RAD51B: variants seen among roughly 807,000 people sequenced by gnomAD.
RAD51B encodes RAD51 paralog B, also known as DNA repair protein RAD51 homolog 2.
A neutral mutation model predicts 42.2 loss-of-function variants in RAD51B; 38 were observed. The ratio of observed to expected loss-of-function variants is 0.90; its 90% CI spans 0.70 to 1.18. The LOEUF is 1.18. Ranked by LOEUF, RAD51B falls within the 50% of genes most tolerant of loss-of-function variation. The probability of loss-of-function intolerance (pLI) is 0.00; values close to 1 mark genes in which losing one functional copy is unlikely to be tolerated. For synonymous variants in RAD51B, 154 were observed against 145.2 expected, an observed-to-expected ratio of 1.06 and a Z score of -0.43; for missense variants, 373 against 400.7, an observed-to-expected ratio of 0.93 and a Z score of 0.59.
At chr14:68,280,894 C>CA (rs894389207) in intron 7 of RAD51B, among the ~76,000 whole-genome samples, 1 of 151,830 alleles carries the variant, frequency 6.6e-6, no homozygotes, top group Admixed American at 6.6e-5. Flanking sequence ...TCCGTCTCTA[C>CA]AAAAAATAAA....
chr14:68,429,071 A>C (rs1271028945), intron 9 of RAD51B, among the ~76,000 whole-genome samples: 1 of 152,086 alleles, frequency 6.6e-6, no homozygotes, highest in Non-Finnish European at 1.5e-5. Flanking sequence ...ATGTCCCTAC[A>C]AAGGACATGA....
intron 8 of RAD51B, among the ~76,000 whole-genome samples, chr14:68,356,899 C>T (rs1394787152): frequency 2.1e-5 from 3 of 144,808 alleles, no homozygotes; most frequent in Non-Finnish European, 3.0e-5. Context: ...AGGAGAATGG[C>T]ATGAACCCGG....
At chr14:68,158,709 G>A (rs1196460850) in intron 7 of RAD51B, among the ~76,000 whole-genome samples, 2 of 152,142 alleles carry the variant, frequency 1.3e-5, no homozygotes, top group Non-Finnish European at 2.9e-5. Context: ...GAAAGAACAC[G>A]GGAAGTCAGA....
chr14:68,552,535 A>G (rs1419652273), intron 10 of RAD51B, among the ~76,000 whole-genome samples: 1 of 152,234 alleles, frequency 6.6e-6, no homozygotes, highest in Admixed American at 6.5e-5. Context: ...TCCATTAAAT[A>G]GATTTAAAAG....
intron 10 of RAD51B, among the ~76,000 whole-genome samples, chr14:68,575,942 G>A (rs1889942981): frequency 6.6e-6 from 1 of 152,200 alleles, no homozygotes; most frequent in South Asian, 2.1e-4. Flanking sequence ...GACGGGCAGG[G>A]TTCAGGGCAG....
At chr14:68,099,979 T>A (rs899395313) in intron 7 of RAD51B, among the ~76,000 whole-genome samples, 3 of 152,098 alleles carry the variant, frequency 2.0e-5, no homozygotes, top group Non-Finnish European at 4.4e-5. Context: ...AATAAACACA[T>A]TTTATGAGAG....
chr14:68,421,731 C>G, intron 9 of RAD51B: 1 of 1,592,132 alleles, frequency 6.3e-7, no homozygotes. Context: ...CAATGGTGAT[C>G]TTCTTGCTGG....
chr14:67,871,288 A>G (rs1360644557), intron 5 of RAD51B, among the ~76,000 whole-genome samples: 1 of 152,174 alleles, frequency 6.6e-6, no homozygotes, highest in Non-Finnish European at 1.5e-5. Flanking sequence ...ACAAACTACC[A>G]TCAGAGAATA....
intron 7 of RAD51B, among the ~76,000 whole-genome samples, chr14:67,888,934 C>T (rs1011216345): frequency 2.6e-5 from 4 of 152,010 alleles, no homozygotes; most frequent in Admixed American, 1.3e-4. Flanking sequence ...GACTTAATTC[C>T]GTGCAAAATA....
At chr14:68,265,084 T>C (rs1234467134) in intron 7 of RAD51B, among the ~76,000 whole-genome samples, 1 of 152,254 alleles carries the variant, frequency 6.6e-6, no homozygotes, top group East Asian at 1.9e-4. Context: ...TCCTATCCTG[T>C]ATCCAATTCA....
chr14:67,874,875 A>G (rs2042675756), intron 5 of RAD51B, among the ~76,000 whole-genome samples: 1 of 152,222 alleles, frequency 6.6e-6, no homozygotes, highest in South Asian at 2.1e-4. Flanking sequence ...AGAGACAGTT[A>G]CAAAAAGATG....
chr14:68,364,816 G>A (rs1186305561), intron 8 of RAD51B, among the ~76,000 whole-genome samples: 1 of 152,216 alleles, frequency 6.6e-6, no homozygotes, highest in African/African-American at 2.4e-5. Context: ...TTATGTGTGT[G>A]TGTGAGGGTT....
At position 68,334,874 on chromosome 14, in the gene RAD51B, GGATA is replaced by G. The variant is rs1198725983; in HGVS notation, c.853+42899_853+42902del. Among the ~76,000 whole-genome samples the G allele has an allele frequency of 4.2e-5, 6 of 143,202 alleles. No homozygotes were observed. In the East Asian group the frequency reaches 5.9e-4, roughly 14 times the overall value. The allele number at this position is 143,202 out of a possible 152,430, so 93.9% of individuals were successfully genotyped here. A position where few individuals can be genotyped will look rare whatever the true frequency, so the allele number is the denominator to read the frequency against. Reference sequence around the variant, plus strand: ...TATATCATATATTTTATGATATATAGGATAGATATATATTTTATGATATATAGGA... The same window carrying G: ...TATATCATATATTTTATGATATATAGGATATATATTTTATGATATATAGGA... On this transcript the variant is annotated intron_variant, in intron 8 of 10. Coordinates refer to ENST00000471583, the MANE Select transcript of RAD51B (RefSeq NM_133510.4).
intron 10 of RAD51B, among the ~76,000 whole-genome samples, chr14:68,539,446 C>T (rs1167401450): frequency 6.6e-6 from 1 of 152,236 alleles, no homozygotes; most frequent in African/African-American, 2.4e-5. Flanking sequence ...GTCTGGAAAA[C>T]AGCTTTGCAC....
chr14:68,405,829 C>CAAAAAAAA (rs10547910), intron 8 of RAD51B, among the ~76,000 whole-genome samples: 1 of 71,546 alleles, frequency 1.4e-5, no homozygotes, highest in Non-Finnish European at 3.1e-5. Context: ...AGTTTATCAC[C>CAAAAAAAA]AAAAAAAAAA....
At chr14:68,444,540 T>C (rs1200664153) in intron 9 of RAD51B, among the ~76,000 whole-genome samples, 2 of 152,066 alleles carry the variant, frequency 1.3e-5, no homozygotes, top group East Asian at 3.9e-4. Context: ...ATCCAGAGTG[T>C]TTTATTTTAG....
At chr14:68,422,718 C>CCT (rs2084740013) in intron 9 of RAD51B, among the ~76,000 whole-genome samples, 1 of 152,118 alleles carries the variant, frequency 6.6e-6, no homozygotes, top group African/African-American at 2.4e-5. Flanking sequence ...TGATATGCTA[C>CCT]ACATTATCTG....
rs889342277 is a variant in RAD51B at position 68,587,625 on chromosome 14, G to A, written c.1037-6860G>A. On this transcript the variant is annotated intron_variant, in intron 10 of 10. Transcript: ENST00000487270. ...AGATTTCAGCACATCCATCCCCCCC[G>A]AGATCCAGAACCGTATCAAGTCCTA... is the stretch of plus-strand genomic sequence containing the variant. Among the ~76,000 whole-genome samples, 7 of 152,056 alleles carry A rather than the reference G, an allele frequency of 4.6e-5. No individual in the cohort carries two copies. In the South Asian group the frequency reaches 1.0e-3, roughly 23 times the overall value.
chr14:68,464,405 TTTTA>T (rs2085922890), intron 9 of RAD51B, among the ~76,000 whole-genome samples: 1 of 152,248 alleles, frequency 6.6e-6, no homozygotes, highest in South Asian at 2.1e-4. Flanking sequence ...ACATAACATA[TTTTA>T]TTTATTTTGT....
Sources: gnomAD v4.1 joint callset for allele counts (sites outside exome capture counted in the v4.1 genomes callset) on GRCh38, gnomAD v4.1.1 for gene constraint, MANE v1.5 for transcripts, NCBI Gene and HGNC (gene_info 2026-07-23, HGNC 2026-07-21) for gene names.